The following CAPZA2 variants were observed in gnomAD, a reference collection of about 807,000 sequenced individuals.
The protein encoded by CAPZA2 is capping actin protein of muscle Z-line subunit alpha 2.
Under a neutral mutation model 44.0 loss-of-function variants are expected in CAPZA2, and 13 were observed. The ratio of observed to expected loss-of-function variants is 0.30; its 90% CI spans 0.19 to 0.47. The LOEUF (loss-of-function observed/expected upper bound fraction) is 0.47, where lower values mean the gene tolerates loss of function less well. CAPZA2 is among the 20% of genes least tolerant of loss of function. The pLI, the probability that CAPZA2 is intolerant of heterozygous loss-of-function variation, is 1.00. For missense variants in CAPZA2, 244 were observed against 338.6 expected (o/e 0.72, Z 2.19); for synonymous variants, 94 against 108.2 (o/e 0.87, Z 0.81).
chr7:116,871,344 A>G (rs564689207), intron 1 of CAPZA2, among the ~76,000 whole-genome samples: 1 of 152,360 alleles, frequency 6.6e-6, no homozygotes, highest in Admixed American at 6.5e-5. Context: ...ATGAGATTGA[A>G]AAAAGCCTTT....
chr7:116,894,437 T>TA (rs1404076575), intron 3 of CAPZA2, among the ~76,000 whole-genome samples: 1 of 151,550 alleles, frequency 6.6e-6, no homozygotes, highest in Non-Finnish European at 1.5e-5. Flanking sequence ...CTTTAAAAAA[T>TA]AAAAAATGGC....
chr7:116,895,727 C>T (rs1026512890), intron 3 of CAPZA2, among the ~76,000 whole-genome samples: 1 of 151,716 alleles, frequency 6.6e-6, no homozygotes, highest in East Asian at 1.9e-4. Flanking sequence ...TCTCAAAACT[C>T]TCCATTTGAG....
At chr7:116,886,792 G>A (rs1796766525) in intron 1 of CAPZA2, among the ~76,000 whole-genome samples, 2 of 152,180 alleles carry the variant, frequency 1.3e-5, no homozygotes, top group Admixed American at 6.5e-5. Context: ...CACTTTCAGG[G>A]ACACTACCTC....
At position 116,897,466 on chromosome 7, in the gene CAPZA2, C is replaced by G. The variant is rs539962411; in HGVS notation, c.156-1306C>G. On this transcript the variant is annotated intron_variant, in intron 3 of 9. Transcript: ENST00000361183. ...TGCTATTTTTACATTTACTAGTCTC[C>G]TATTAACTCATCAGTAATGCTTTGT... 7.2e-4 allele frequency among the ~76,000 whole-genome samples: 110 copies of G among 152,190 alleles called. 2 individuals carry two copies. The South Asian group carries it at 0.015, about 21-fold the overall frequency.
chr7:116,911,124 C>A (rs1224417251), intron 7 of CAPZA2, among the ~76,000 whole-genome samples: 3 of 151,986 alleles, frequency 2.0e-5, no homozygotes, highest in African/African-American at 7.2e-5. Flanking sequence ...TCTTCCTTCA[C>A]TTAGGCCTCA....
At chr7:116,881,323 A>G (rs1796695017) in intron 1 of CAPZA2, among the ~76,000 whole-genome samples, 1 of 152,206 alleles carries the variant, frequency 6.6e-6, no homozygotes. Context: ...AAGTACAAAG[A>G]GCAAAACTTT....
intron 1 of CAPZA2, chr7:116,875,339 T>C (rs1796607847): frequency 6.6e-6 from 1 of 152,134 alleles, no homozygotes; most frequent in African/African-American, 2.4e-5. Context: ...ATTTAATAAA[T>C]TAATTTTATC....
At chr7:116,879,700 A>T (rs1796667516) in intron 1 of CAPZA2, among the ~76,000 whole-genome samples, 2 of 152,108 alleles carry the variant, frequency 1.3e-5, no homozygotes, top group Admixed American at 6.5e-5. Flanking sequence ...CTGCTGTGTG[A>T]CCGGGTTCCT....
At chr7:116,913,920 A>G (rs187967057) in intron 8 of CAPZA2, among the ~76,000 whole-genome samples, 2 of 151,706 alleles carry the variant, frequency 1.3e-5, no homozygotes, top group Non-Finnish European at 2.9e-5. Flanking sequence ...TGACAGTATA[A>G]CATTTAACAG....
chr7:116,917,318 G>C (rs1460082482), intron 9 of CAPZA2, among the ~76,000 whole-genome samples: 1 of 152,080 alleles, frequency 6.6e-6, no homozygotes, highest in Non-Finnish European at 1.5e-5. Context: ...GCAGTGGCGC[G>C]ATCTCGCCTC....
intron 1 of CAPZA2, chr7:116,874,263 G>C (rs911995679): frequency 6.5e-6 from 1 of 153,196 alleles, no homozygotes; most frequent in Non-Finnish European, 1.5e-5. Flanking sequence ...GGAAAGTAAG[G>C]CACCACTACT....
intron 8 of CAPZA2, among the ~76,000 whole-genome samples, chr7:116,914,428 TACATACACACAC>T (rs1469317045): frequency 8.8e-6 from 1 of 114,280 alleles, no homozygotes; most frequent in Non-Finnish European, 1.8e-5. Context: ...TACATATACA[TACATACACACAC>T]ACACACACAC....
At chr7:116,908,692 A>G (rs1791548245) in intron 6 of CAPZA2, among the ~76,000 whole-genome samples, 2 of 151,990 alleles carry the variant, frequency 1.3e-5, no homozygotes, top group Admixed American at 1.3e-4. Flanking sequence ...CCTAGTCAGT[A>G]TTTTATATAT....
At chr7:116,914,251 G>A (rs376352741) in intron 8 of CAPZA2, among the ~76,000 whole-genome samples, 2,524 of 151,758 alleles carry the variant, frequency 0.017, 93 homozygotes, top group African/African-American at 0.059. Context: ...GGATGGTCTC[G>A]ATCTCCTGAC....
At chr7:116,908,081 C>T (rs373278070) in intron 6 of CAPZA2, among the ~76,000 whole-genome samples, 1 of 148,934 alleles carries the variant, frequency 6.7e-6, no homozygotes. Flanking sequence ...CAACATAGTA[C>T]GACCCCATCT....
At chr7:116,874,984 G>C (rs556895128) in intron 1 of CAPZA2, 15 of 152,516 alleles carry the variant, frequency 9.8e-5, no homozygotes, top group African/African-American at 3.6e-4. Context: ...AGCTACTTGG[G>C]AGGCTGAGGT....
At chr7:116,910,400 T>C (rs1791575428) in intron 7 of CAPZA2, 89 bp downstream of exon 7, 1 of 700,320 alleles carries the variant, frequency 1.4e-6, no homozygotes, top group Non-Finnish European at 2.5e-6. Flanking sequence ...TAGTATATCA[T>C]ACACATTTCT....
intron 4 of CAPZA2, 99 bp downstream of exon 4, chr7:116,898,934 A>C (rs1796961332): frequency 1.5e-6 from 1 of 660,582 alleles, no homozygotes; most frequent in East Asian, 2.7e-5. Context: ...AAAATTATTC[A>C]TATTTTAATC....
intron 6 of CAPZA2, among the ~76,000 whole-genome samples, chr7:116,908,748 G>T (rs1417176588): frequency 6.6e-6 from 1 of 151,998 alleles, no homozygotes; most frequent in Non-Finnish European, 1.5e-5. Context: ...TCAATAAAAG[G>T]AATACTTCTT....
Sources: allele counts gnomAD v4.1 joint callset (sites outside exome capture counted in the v4.1 genomes callset), GRCh38; gene constraint gnomAD v4.1.1; transcripts MANE v1.5; gene names NCBI Gene and HGNC (gene_info 2026-07-23, HGNC 2026-07-21).